Variants in VEPH1 observed in about 807,000 individuals in gnomAD.
VEPH1 encodes the protein ventricular zone expressed PH domain containing 1.
In VEPH1, 80 loss-of-function variants were observed where a neutral mutation model predicts 85.2. That is an observed-to-expected ratio of 0.94 (90% CI 0.78 to 1.13). The LOEUF (loss-of-function observed/expected upper bound fraction) is 1.13. VEPH1 is among the 50% of genes most tolerant of loss of function. The pLI is 0.00. For synonymous variants in VEPH1, 297 were observed against 348.0 expected (o/e 0.85, Z 1.63); for missense variants, 955 against 980.5 (o/e 0.97, Z 0.35).
intron 4 of VEPH1, among the ~76,000 whole-genome samples, chr3:157,436,046 G>C (rs1365034998): frequency 1.3e-5 from 2 of 152,180 alleles, no homozygotes; most frequent in Non-Finnish European, 2.9e-5. Flanking sequence ...GGAGGCGAAG[G>C]CGGGTGGATC....
At chr3:157,357,794 G>A (rs943512619) in intron 9 of VEPH1, among the ~76,000 whole-genome samples, 14 of 152,268 alleles carry the variant, frequency 9.2e-5, no homozygotes, top group South Asian at 4.1e-4. Flanking sequence ...CACTGCATCC[G>A]GCCAGAACAC....
intron 2 of VEPH1, among the ~76,000 whole-genome samples, chr3:157,486,060 A>T (rs893574699): frequency 1.3e-5 from 2 of 152,208 alleles, no homozygotes; most frequent in Admixed American, 1.3e-4. Flanking sequence ...AACAAATGCA[A>T]ACTTATTGAG....
chr3:157,442,559 C>T (rs751168113), intron 4 of VEPH1: 2 of 1,614,210 alleles, frequency 1.2e-6, no homozygotes, highest in South Asian at 1.1e-5. Context: ...ATCTCAGCTA[C>T]CAATCCATAG....
intron 1 of VEPH1, among the ~76,000 whole-genome samples, chr3:157,501,266 G>A (rs1356313693): frequency 2.6e-5 from 4 of 152,168 alleles, no homozygotes; most frequent in Admixed American, 2.6e-4. Flanking sequence ...TCTTGAATGG[G>A]TCCCTGTTGA....
At chr3:157,372,731 CA>C (rs935949697) in intron 7 of VEPH1, among the ~76,000 whole-genome samples, 2 of 151,978 alleles carry the variant, frequency 1.3e-5, no homozygotes, top group Admixed American at 6.5e-5. Context: ...TTTAAATTTT[CA>C]TGTCACAGAC....
At chr3:157,481,005 G>C (rs1178378899) in intron 2 of VEPH1, among the ~76,000 whole-genome samples, 1 of 152,058 alleles carries the variant, frequency 6.6e-6, no homozygotes, top group Non-Finnish European at 1.5e-5. Context: ...GCTGGTATGG[G>C]ATAGTATCTC....
At chr3:157,281,808 T>C (rs1198491109) in intron 12 of VEPH1, among the ~76,000 whole-genome samples, 1 of 152,222 alleles carries the variant, frequency 6.6e-6, no homozygotes, top group African/African-American at 2.4e-5. Context: ...AGTGCTGGGA[T>C]TACAGGCGTG....
intron 9 of VEPH1, among the ~76,000 whole-genome samples, chr3:157,353,798 A>T (rs1725140060): frequency 6.6e-6 from 1 of 151,820 alleles, no homozygotes; most frequent in Non-Finnish European, 1.5e-5. Context: ...ATCTTTTCCC[A>T]CTAGAACAGC....
intron 12 of VEPH1, among the ~76,000 whole-genome samples, chr3:157,284,120 A>G (rs1716478203): frequency 6.6e-6 from 1 of 152,232 alleles, no homozygotes; most frequent in Non-Finnish European, 1.5e-5. Context: ...TATAGTGATG[A>G]ATTTGATATC....
chr3:157,369,189 A>AAAAAAAAAAAC (rs1560001157), intron 7 of VEPH1, among the ~76,000 whole-genome samples: 1 of 143,118 alleles, frequency 7.0e-6, no homozygotes, highest in African/African-American at 2.6e-5. Flanking sequence ...TGAAAAAAAA[A>AAAAAAAAAAAC]AAAAAAAAAA....
At chr3:157,489,401 C>T (rs1053417813) in intron 2 of VEPH1, 1 of 320,300 alleles carries the variant, frequency 3.1e-6, no homozygotes, top group African/African-American at 2.2e-5. Flanking sequence ...CCACACTGAC[C>T]TCAGAAACTC....
At chr3:157,431,564 C>A (rs562977953) in intron 4 of VEPH1, among the ~76,000 whole-genome samples, 1 of 152,114 alleles carries the variant, frequency 6.6e-6, no homozygotes, top group Non-Finnish European at 1.5e-5. Flanking sequence ...TATTTAGCAA[C>A]CTTAATTCTA....
chr3:157,436,821 T>A, intron 4 of VEPH1: 1 of 1,257,136 alleles, frequency 8.0e-7, no homozygotes, highest in Non-Finnish European at 1.1e-6. Flanking sequence ...TCCTCAGCAT[T>A]TATTAAGGAC....
intron 4 of VEPH1, chr3:157,437,095 C>T: frequency 6.2e-7 from 1 of 1,607,946 alleles, no homozygotes; most frequent in South Asian, 1.1e-5. Flanking sequence ...CTCTGCTAAC[C>T]CTGACTACAT....
intron 7 of VEPH1, among the ~76,000 whole-genome samples, chr3:157,370,551 C>A (rs1325351543): frequency 6.6e-6 from 1 of 152,172 alleles, no homozygotes; most frequent in Non-Finnish European, 1.5e-5. Flanking sequence ...GTGCTAGCAT[C>A]TGTTTTGGGA....
chr3:157,386,811 C>A (rs896831020), intron 6 of VEPH1, among the ~76,000 whole-genome samples: 3 of 152,160 alleles, frequency 2.0e-5, no homozygotes, highest in Non-Finnish European at 2.9e-5. Context: ...TGGTTTGTGC[C>A]TAGGCACTTG....
At chr3:157,485,095 A>C (rs768360242) in intron 2 of VEPH1, among the ~76,000 whole-genome samples, 15 of 152,320 alleles carry the variant, frequency 9.8e-5, no homozygotes, top group Non-Finnish European at 2.1e-4. Flanking sequence ...AATTGCTGTC[A>C]TTCCCCCAAT....
chr3:157,457,048 T>C (rs1366588431), intron 4 of VEPH1, among the ~76,000 whole-genome samples: 1 of 152,204 alleles, frequency 6.6e-6, no homozygotes, highest in African/African-American at 2.4e-5. Context: ...TCTGACTTCT[T>C]TGAGGAGTGT....
At chr3:157,397,051 AG>A (rs1261851416) in intron 6 of VEPH1, among the ~76,000 whole-genome samples, 3 of 152,122 alleles carry the variant, frequency 2.0e-5, no homozygotes. Context: ...ATTTTCTTCT[AG>A]GGTTTTGATC....
Sources: gnomAD v4.1 joint callset for allele counts (sites outside exome capture counted in the v4.1 genomes callset) on GRCh38, gnomAD v4.1.1 for gene constraint, MANE v1.5 for transcripts, NCBI Gene and HGNC (gene_info 2026-07-23, HGNC 2026-07-21) for gene names.